The following MAPK10 variants were observed in gnomAD, a reference collection of about 807,000 sequenced individuals.
MAPK10 encodes JNK3 alpha protein kinase.
A neutral mutation model predicts 59.3 loss-of-function variants in MAPK10; 25 were observed. The ratio of observed to expected loss-of-function variants is 0.42; its 90% CI spans 0.31 to 0.59. The LOEUF is 0.59. Among genes scored for constraint, MAPK10 ranks in the 20% least tolerant of loss-of-function variants. The probability of loss-of-function intolerance (pLI) is 0.15; values close to 1 mark genes in which losing one functional copy is unlikely to be tolerated. For missense variants in MAPK10, 351 were observed against 568.9 expected (o/e 0.62, Z 3.90); for synonymous variants, 190 against 200.5 (o/e 0.95, Z 0.44).
chr4:86,545,011 A>C (rs1388858337), intron 1 of MAPK10, among the ~76,000 whole-genome samples: 4 of 152,182 alleles, frequency 2.6e-5, no homozygotes, highest in East Asian at 3.8e-4. Flanking sequence ...AGGAAGGAAG[A>C]AAGCAATGGC....
chr4:86,256,847 TCTC>T (rs2093752816), intron 2 of MAPK10, among the ~76,000 whole-genome samples: 1 of 150,592 alleles, frequency 6.6e-6, no homozygotes, highest in South Asian at 2.1e-4. Context: ...TTCACGCCAT[TCTC>T]CTGCTTCAGC....
intron 1 of MAPK10, among the ~76,000 whole-genome samples, chr4:86,400,457 C>G (rs932370095): frequency 6.6e-6 from 1 of 152,122 alleles, no homozygotes; most frequent in African/African-American, 2.4e-5. Context: ...CTCTTTCTCT[C>G]TCTCTCTCCA....
intron 3 of MAPK10, among the ~76,000 whole-genome samples, chr4:86,168,605 G>A (rs1439390503): frequency 1.3e-5 from 2 of 152,202 alleles, no homozygotes; most frequent in Non-Finnish European, 2.9e-5. Flanking sequence ...AGGCCTGCCT[G>A]CCTCTGTAGG....
intron 1 of MAPK10, among the ~76,000 whole-genome samples, chr4:86,359,435 G>T (rs1329632610): frequency 6.6e-6 from 1 of 151,204 alleles, no homozygotes; most frequent in Non-Finnish European, 1.5e-5. Context: ...CACTCCAAAT[G>T]GAAAGGTTTC....
intron 4 of MAPK10, among the ~76,000 whole-genome samples, chr4:86,112,849 G>A (rs2057717259): frequency 6.6e-6 from 1 of 152,152 alleles, no homozygotes; most frequent in Admixed American, 6.5e-5. Context: ...GGGAGTCTAA[G>A]TCTCTTTGAA....
intron 13 of MAPK10, chr4:86,024,353 T>C (rs566606309): frequency 7.9e-4 from 120 of 152,308 alleles, no homozygotes; most frequent in African/African-American, 2.8e-3. Context: ...TAATAAGCTC[T>C]TCATAAACAG....
intron 1 of MAPK10, among the ~76,000 whole-genome samples, chr4:86,434,051 T>C (rs926252461): frequency 1.3e-5 from 2 of 152,200 alleles, no homozygotes; most frequent in African/African-American, 4.8e-5. Context: ...AAAATATATA[T>C]TTGACATTGA....
chr4:86,517,389 C>T (rs1756765616), intron 1 of MAPK10, among the ~76,000 whole-genome samples: 1 of 150,456 alleles, frequency 6.6e-6, no homozygotes, highest in Admixed American at 6.7e-5. Context: ...CATTCTCCTG[C>T]CTCAGCTTCG....
At chr4:86,192,570 T>G (rs1057121614) in intron 3 of MAPK10, 3 of 152,012 alleles carry the variant, frequency 2.0e-5, no homozygotes, top group African/African-American at 7.2e-5. Flanking sequence ...ATTTGGCTAT[T>G]GATACTTGTG....
At chr4:86,425,583 C>A (rs1030757370) in intron 1 of MAPK10, among the ~76,000 whole-genome samples, 1 of 152,172 alleles carries the variant, frequency 6.6e-6, no homozygotes, top group Non-Finnish European at 1.5e-5. Context: ...CCTATGGATT[C>A]TCTTCTCCAT....
In MAPK10 at chr4:86,026,232, A is replaced by T. The variant is rs868460262; in HGVS notation, c.1252+2965T>A. ...CTTCTCAGGTGGAAGAGGGCTGGTG[A>T]ACAAACTCAGAATTGGTGAATCAGA... is the stretch of plus-strand genomic sequence containing the variant. On this transcript the variant is annotated intron_variant, in intron 13 of 13. Coordinates refer to ENST00000641462, the MANE Select transcript of MAPK10 (RefSeq NM_138982.4). 1.4e-4 allele frequency among the ~76,000 whole-genome samples: 22 copies of T among 152,310 alleles called. No individual in the cohort carries two copies. The Middle Eastern group carries it at 0.02, about 141-fold the overall frequency.
intron 2 of MAPK10, among the ~76,000 whole-genome samples, chr4:86,256,851 C>T: frequency 6.6e-6 from 1 of 150,946 alleles, no homozygotes; most frequent in Non-Finnish European, 1.5e-5. Context: ...CGCCATTCTC[C>T]TGCTTCAGCC....
chr4:86,382,503 T>C (rs1301914627), intron 1 of MAPK10, among the ~76,000 whole-genome samples: 1 of 152,190 alleles, frequency 6.6e-6, no homozygotes, highest in Non-Finnish European at 1.5e-5. Context: ...CTCTCTCACC[T>C]GTGGACCGAA....
intron 1 of MAPK10, among the ~76,000 whole-genome samples, chr4:86,534,320 A>C (rs1488227884): frequency 6.6e-6 from 1 of 152,080 alleles, no homozygotes; most frequent in Non-Finnish European, 1.5e-5. Flanking sequence ...TTATTTTTTA[A>C]TATTTTTCTT....
chr4:86,129,344 T>C (rs567046464), intron 4 of MAPK10, among the ~76,000 whole-genome samples: 41 of 152,214 alleles, frequency 2.7e-4, no homozygotes, highest in Admixed American at 9.2e-4. Flanking sequence ...CAAAAGCATA[T>C]AAAAGTCACA....
intron 2 of MAPK10, among the ~76,000 whole-genome samples, chr4:86,209,897 A>G (rs2085299942): frequency 6.6e-6 from 1 of 152,256 alleles, no homozygotes; most frequent in African/African-American, 2.4e-5. Context: ...TATAGTAACC[A>G]AAGCTGTATG....
intron 4 of MAPK10, among the ~76,000 whole-genome samples, chr4:86,138,889 A>G (rs1401442939): frequency 6.6e-6 from 1 of 151,982 alleles, no homozygotes; most frequent in Admixed American, 6.6e-5. Flanking sequence ...TTATACACCA[A>G]CAACAGACAA....
chr4:86,042,900 G>A (rs976644323), intron 11 of MAPK10, among the ~76,000 whole-genome samples: 4 of 152,224 alleles, frequency 2.6e-5, no homozygotes, highest in Middle Eastern at 3.4e-3. Flanking sequence ...CAGTCACCTT[G>A]GATGTGAAGG....
At chr4:86,435,667 G>A (rs1049189633) in intron 1 of MAPK10, among the ~76,000 whole-genome samples, 2 of 152,172 alleles carry the variant, frequency 1.3e-5, no homozygotes, top group Non-Finnish European at 2.9e-5. Flanking sequence ...CTGTCAACCA[G>A]CAAAGGCTAC....
Sources: gnomAD v4.1 joint callset for allele counts (sites outside exome capture counted in the v4.1 genomes callset) on GRCh38, gnomAD v4.1.1 for gene constraint, MANE v1.5 for transcripts, NCBI Gene and HGNC (gene_info 2026-07-23, HGNC 2026-07-21) for gene names.